ATP10B: variants seen among roughly 807,000 people sequenced by gnomAD.
ATP10B encodes phospholipid-transporting ATPase VB.
ATP10B carries 122 observed loss-of-function variants against 141.2 expected under a neutral mutation model. The observed-to-expected ratio is 0.86, with a 90% CI of 0.75 to 1.00. The LOEUF (loss-of-function observed/expected upper bound fraction) is 1.00. Ranked by LOEUF, ATP10B falls within the 50% of genes least tolerant of loss-of-function variation. The pLI is 0.00. For synonymous variants in ATP10B, 685 were observed against 692.0 expected (o/e 0.99, Z 0.16); for missense variants, 1,876 against 1,825.3 (o/e 1.03, Z -0.51).
At chr5:160,904,146 A>G in the ATP10B span, among the ~76,000 whole-genome samples, 3 of 151,720 alleles carry the variant, frequency 2.0e-5, no homozygotes, top group African/African-American at 7.3e-5. Context: ...TTTTTTTACT[A>G]TCACGAAGTT....
chr5:160,882,439 A>G, the ATP10B span, among the ~76,000 whole-genome samples: 1 of 152,274 alleles, frequency 6.6e-6, no homozygotes, highest in Non-Finnish European at 1.5e-5. Context: ...CATTATTTTT[A>G]AATTTAAAAA....
chr5:160,828,356 A>G (rs1581613436), intron 1 of ATP10B, among the ~76,000 whole-genome samples: 1 of 152,278 alleles, frequency 6.6e-6, no homozygotes, highest in Admixed American at 6.5e-5. Context: ...ACTTAAACAA[A>G]TTTACAAGAT....
At chr5:160,801,804 C>G (rs965473911) in intron 1 of ATP10B, among the ~76,000 whole-genome samples, 2 of 152,268 alleles carry the variant, frequency 1.3e-5, no homozygotes, top group Non-Finnish European at 1.5e-5. Flanking sequence ...CAAGTTCAGG[C>G]TTTGAGCTTA....
intron 1 of ATP10B, among the ~76,000 whole-genome samples, chr5:160,841,531 A>G (rs891046175): frequency 1.3e-5 from 2 of 152,130 alleles, no homozygotes; most frequent in Non-Finnish European, 2.9e-5. Context: ...GATGTAGTTT[A>G]ATGTTCTCTA....
intron 1 of ATP10B, among the ~76,000 whole-genome samples, chr5:160,830,428 C>T (rs539105735): frequency 2.6e-5 from 4 of 152,174 alleles, no homozygotes; most frequent in African/African-American, 7.2e-5. Flanking sequence ...TGAATAAATA[C>T]ATGTTTTCTG....
chr5:160,621,225 C>T (rs150172879), intron 14 of ATP10B, among the ~76,000 whole-genome samples: 16 of 152,312 alleles, frequency 1.1e-4, no homozygotes, highest in African/African-American at 3.6e-4. Context: ...TCTGCTTTAT[C>T]TTTGAGTGCG....
intron 6 of ATP10B, chr5:160,684,905 C>T (rs922015181): frequency 1.0e-5 from 7 of 703,210 alleles, no homozygotes; most frequent in East Asian, 5.4e-5. Flanking sequence ...TCTTCCCAAG[C>T]GTCCTTGATG....
chr5:160,791,909 C>A (rs114546470), intron 1 of ATP10B, among the ~76,000 whole-genome samples: 1 of 152,062 alleles, frequency 6.6e-6, no homozygotes, highest in East Asian at 1.9e-4. Context: ...GGATGGTTCT[C>A]AAAGGGCCAC....
At chr5:160,760,530 A>T (rs185740623) in intron 2 of ATP10B, among the ~76,000 whole-genome samples, 3 of 152,368 alleles carry the variant, frequency 2.0e-5, no homozygotes, top group African/African-American at 4.8e-5. Context: ...GGATTGCCAA[A>T]TTTTTTACTT....
intron 24 of ATP10B, among the ~76,000 whole-genome samples, chr5:160,580,145 C>T (rs1308934539): frequency 6.6e-6 from 1 of 152,076 alleles, no homozygotes; most frequent in South Asian, 2.1e-4. Flanking sequence ...ATTTGAATAC[C>T]CTTTATTTCT....
At chr5:160,653,131 TATAC>T (rs1305183256) in intron 7 of ATP10B, among the ~76,000 whole-genome samples, 1 of 131,064 alleles carries the variant, frequency 7.6e-6, no homozygotes, top group African/African-American at 2.8e-5. Flanking sequence ...ATATATTATG[TATAC>T]ATAAATATAT....
chr5:160,638,433 C>G (rs1194426824), intron 10 of ATP10B, among the ~76,000 whole-genome samples: 6 of 152,130 alleles, frequency 3.9e-5, no homozygotes, highest in African/African-American at 1.2e-4. Flanking sequence ...ACAACAGTTC[C>G]TGCAGCATCT....
intron 3 of ATP10B, among the ~76,000 whole-genome samples, chr5:160,708,386 T>C (rs1478542225): frequency 6.6e-6 from 1 of 152,156 alleles, no homozygotes; most frequent in Non-Finnish European, 1.5e-5. Flanking sequence ...TAACACCCCA[T>C]CTAGTGAGTG....
chr5:160,783,724 A>G (rs968112890), intron 2 of ATP10B, among the ~76,000 whole-genome samples: 1 of 151,544 alleles, frequency 6.6e-6, no homozygotes, highest in Admixed American at 6.6e-5. Context: ...TCGTATAATG[A>G]CTTCTTTTCC....
At chr5:160,652,429 TCTTATTTATTTA>T (rs1320758666) in intron 7 of ATP10B, among the ~76,000 whole-genome samples, 2 of 126,606 alleles carry the variant, frequency 1.6e-5, no homozygotes, top group African/African-American at 3.1e-5. Flanking sequence ...CTGTCAGGGT[TCTTATTTATTTA>T]TTTATTTATT....
rs924922570 is a variant in ATP10B, at chr5:160,592,925, G to T, written c.3565-1786C>A. The stretch of plus-strand genomic sequence containing the variant: ...AAAGCAGCTGGGAAGCTCGAACTGG[G>T]TGGAGCCCACCACAGCTCAAGGAGG... On this transcript the variant is annotated intron_variant, in intron 22 of 25. Coordinates refer to ENST00000327245, the MANE Select transcript of ATP10B (RefSeq NM_025153.3). 3.9e-5 allele frequency among the ~76,000 whole-genome samples: 6 copies of T among 152,368 alleles called. No homozygotes were observed. In the South Asian group the frequency reaches 8.3e-4, roughly 21 times the overall value.
intron 8 of ATP10B, 75 bp downstream of exon 8, chr5:160,649,096 T>A: frequency 9.4e-7 from 1 of 1,060,116 alleles, no homozygotes. Flanking sequence ...CTTATTTGTT[T>A]GGTCATTTCT....
the ATP10B span, among the ~76,000 whole-genome samples, chr5:160,872,887 ATTG>A: frequency 3.6e-3 from 544 of 152,048 alleles, 3 homozygotes; most frequent in African/African-American, 0.013. Context: ...GAATTTTAGA[ATTG>A]TTTTTTCTAC....
rs145610878 is a variant in ATP10B at position 160,768,852 on chromosome 5, C to T, written c.-331+16707G>A. On this transcript the variant is annotated intron_variant, in intron 2 of 25. Transcript: ENST00000327245. ...TTTCTTTTCACAAATGCTGAGAACA[C>T]ACAGTATGTTGGACACTGGGAGAGG... Among the ~76,000 whole-genome samples the T allele has an allele frequency of 1.3e-3, 202 of 152,298 alleles. 1 individual carries two copies. Among genetic ancestry groups the T allele is most frequent in the African/African-American group, 4.7e-3 (194 of 41,566 alleles).
Sources: allele counts gnomAD v4.1 joint callset (sites outside exome capture counted in the v4.1 genomes callset), GRCh38; gene constraint gnomAD v4.1.1; transcripts MANE v1.5; gene names NCBI Gene and HGNC (gene_info 2026-07-23, HGNC 2026-07-21).